Variants in USP45 observed in about 807,000 individuals in gnomAD.
USP45 encodes the protein ubiquitin specific peptidase 45, also known as ubiquitin carboxyl-terminal hydrolase 45.
Under a neutral mutation model 95.8 loss-of-function variants are expected in USP45, and 89 were observed. The observed-to-expected ratio is 0.93, with a 90% CI of 0.78 to 1.11. USP45 has a LOEUF of 1.11. Among genes scored for constraint, USP45 ranks in the 50% least tolerant of loss-of-function variants. USP45 has a pLI of 0.00. For missense variants in USP45, 898 were observed against 942.5 expected (o/e 0.95, Z 0.62); for synonymous variants, 281 against 316.2 (o/e 0.89, Z 1.18).
chr6:99,514,288 A>G (rs1376211213), intron 1 of USP45, among the ~76,000 whole-genome samples: 1 of 152,198 alleles, frequency 6.6e-6, no homozygotes, highest in Non-Finnish European at 1.5e-5. Flanking sequence ...TCCTTCCTCC[A>G]TCAGTGAAAA....
chr6:99,483,457 C>A (rs1244333572), intron 7 of USP45, among the ~76,000 whole-genome samples: 3 of 152,122 alleles, frequency 2.0e-5, no homozygotes, highest in African/African-American at 7.2e-5. Context: ...AATCTGGTTT[C>A]TAAAGTACTA....
At position 99,446,328 on chromosome 6, in the gene USP45, G is replaced by T; in HGVS notation, c.1444C>A (p.Leu482Met). The T allele has an allele frequency of 1.2e-6, 2 of 1,614,206 alleles. No homozygotes were observed. The highest frequency in any genetic ancestry group is 2.2e-5 in the South Asian group (2 of 91,090). The change falls in exon 14 of 18, where the codon CTG becomes ATG. Residue 482 changes from leucine (L) to methionine (M), a missense_variant. Leu to Met is a conservative substitution (Grantham distance 15). Transcript: ENST00000500704. ...FASLMNSESR[L>M]NESPTDDSEK... is the part of the protein sequence containing the mutation. ...CTGTCATCAGTAGGGCTTTCATTCA[G>T]ACGTGACTCAGAATTCATGAGGCTG...
intron 13 of USP45, among the ~76,000 whole-genome samples, chr6:99,447,860 G>C (rs1041928758): frequency 6.6e-6 from 1 of 152,206 alleles, no homozygotes; most frequent in Non-Finnish European, 1.5e-5. Context: ...CCAGAGGAAC[G>C]ATCAGGTAGC....
At chr6:99,479,684 A>T (rs1037426077) in intron 8 of USP45, among the ~76,000 whole-genome samples, 1 of 152,132 alleles carries the variant, frequency 6.6e-6, no homozygotes, top group African/African-American at 2.4e-5. Flanking sequence ...TCTCAGAAAA[A>T]AGAAAAACTA....
At chr6:99,443,759 A>T (rs1402748095) in intron 14 of USP45, 97 bp from the exon 15 acceptor site, 13 of 768,124 alleles carry the variant, frequency 1.7e-5, no homozygotes, top group African/African-American at 7.1e-5. Flanking sequence ...CCACATTTTT[A>T]AAAATGTTAA....
chr6:99,488,113 T>G lies in USP45; in HGVS notation c.714+87A>C, dbSNP rs767891317. On this transcript the variant is annotated intron_variant, in intron 7 of 17. Coordinates refer to ENST00000500704, the MANE Select transcript of USP45 (RefSeq NM_001346022.3). ...TAAGCCCCCTGGCTACTATCTTAGT[T>G]GACTGATCTGCGAATTAGGAAAAGA... 2.9e-4 allele frequency: 235 copies of G among 824,520 alleles called. 1 individual carries two copies. In the Middle Eastern group the frequency reaches 3.1e-3, roughly 11 times the overall value. 51.1% of individuals were successfully genotyped at this position (824,520 alleles called of 1,614,324 possible).
At chr6:99,502,107 G>A (rs1417452920) in intron 5 of USP45, 2 of 1,168,956 alleles carry the variant, frequency 1.7e-6, no homozygotes, top group African/African-American at 3.2e-5. Flanking sequence ...CCTACACAAT[G>A]AAATCCCAAT....
upstream of USP45, among the ~76,000 whole-genome samples, chr6:99,515,890 T>G (rs542170155): frequency 7.5e-4 from 112 of 148,650 alleles, no homozygotes; most frequent in African/African-American, 2.7e-3. Flanking sequence ...TTCTACTGCC[T>G]TAGCCTCCCG....
At chr6:99,496,530 G>A (rs952956379) in intron 5 of USP45, among the ~76,000 whole-genome samples, 5 of 151,974 alleles carry the variant, frequency 3.3e-5, no homozygotes, top group African/African-American at 1.2e-4. Flanking sequence ...CTTTAACCTT[G>A]TTAAAAATGG....
intron 13 of USP45, among the ~76,000 whole-genome samples, chr6:99,463,068 G>T (rs1302769398): frequency 6.6e-6 from 1 of 151,696 alleles, no homozygotes; most frequent in African/African-American, 2.4e-5. Context: ...ATATAAAAAA[G>T]TTTTTTTTGC....
intron 17 of USP45, 140 bp from the exon 18 acceptor site, chr6:99,435,986 G>A: frequency 2.4e-6 from 2 of 820,194 alleles, no homozygotes; most frequent in Middle Eastern, 3.8e-4. Context: ...CTTGGGTTAA[G>A]CATTTTCCAA....
chr6:99,446,065 A>G lies in USP45; in HGVS notation c.1707T>C (p.Thr569=), dbSNP rs745689527. 2.5e-6 allele frequency: 4 copies of G among 1,614,058 alleles called. No homozygotes were observed. In the Admixed American group the frequency reaches 6.7e-5, roughly 27 times the overall value. ...TTTCTCTGTCAAAATCTTGATCTCC[A>G]GTTACAGTGCTGCTCAAACGAAGTT... ...ISELRLSSTV[T]GDQDFDRENQ... is the part of the protein sequence containing the mutation. The change falls in exon 14 of 18, where the codon ACT becomes ACC. Residue 569 remains threonine, a synonymous_variant. Coordinates refer to ENST00000500704, the MANE Select transcript of USP45 (RefSeq NM_001346022.3).
At chr6:99,495,121 G>C (rs1796023443) in intron 5 of USP45, among the ~76,000 whole-genome samples, 2 of 152,124 alleles carry the variant, frequency 1.3e-5, no homozygotes, top group African/African-American at 4.8e-5. Flanking sequence ...ATGGAATTAT[G>C]GGCACTATTG....
In USP45 at chr6:99,476,151, C is replaced by A; in HGVS notation, c.925G>T (p.Glu309Ter). 6.2e-7 allele frequency: 1 copy of A among 1,613,682 alleles called. No individual in the cohort carries two copies. Among genetic ancestry groups the A allele is most frequent in the Non-Finnish European group, 8.5e-7 (1 of 1,179,768 alleles). The change falls in exon 9 of 18, where the codon GAA becomes TAA. Residue 309 changes from glutamate (E) to a stop codon, truncating the protein, a stop_gained. Transcript: ENST00000500704. LOFTEE classifies it high-confidence loss of function. The stretch of plus-strand genomic sequence containing the variant: ...ACATAAAGAAACCTGACCTTTGTTT[C>A]TTCTGTCCTCACTGCATCCAGAAGA... ...HYLLDAVRTE[E>*]TKRIQASILK... is the part of the protein sequence containing the mutation.
At position 99,435,694 on chromosome 6, in the gene USP45, A is replaced by C. The variant is rs768675347; in HGVS notation, c.*22T>G. The stretch of plus-strand genomic sequence containing the variant: ...TGTGGCATTCAAAAACAAATGACCT[A>C]AATAATCATTACCATTAATAGTTAT... On this transcript the variant is annotated 3_prime_UTR_variant, in exon 18 of 18. Coordinates refer to ENST00000500704, the MANE Select transcript of USP45 (RefSeq NM_001346022.3). The C allele has an allele frequency of 1.0e-5, 16 of 1,600,332 alleles. No homozygotes were observed. The highest frequency in any genetic ancestry group is 2.7e-5 in the African/African-American group (2 of 74,480).
rs375507236 is a variant in USP45, at chr6:99,437,368, C to T, written c.2192G>A (p.Gly731Asp). 8.1e-6 allele frequency: 13 copies of T among 1,604,364 alleles called. No individual in the cohort carries two copies. Among genetic ancestry groups the T allele is most frequent in the Non-Finnish European group, 1.1e-5 (13 of 1,177,426 alleles). ...NASVGDKVLY[G>D]LYGIVEHSGS... ...ACTATGTTCCACTATGCCATAGAGA[C>T]CGTAGAGAACTTTATCTCCCACACT... The change falls in exon 17 of 18, where the codon GGT becomes GAT. Residue 731 changes from glycine (G) to aspartate (D), a missense_variant. Gly to Asp is a moderately conservative substitution (Grantham distance 94). Transcript: ENST00000500704.
intron 5 of USP45, among the ~76,000 whole-genome samples, chr6:99,494,016 TACA>T: frequency 6.6e-6 from 1 of 152,338 alleles, no homozygotes; most frequent in East Asian, 1.9e-4. Context: ...ACAAAGTTGC[TACA>T]ACAATAAAGA....
chr6:99,462,164 G>C, intron 13 of USP45: 1 of 978,388 alleles, frequency 1.0e-6, no homozygotes, highest in South Asian at 4.7e-5. Context: ...GTTCAATAAA[G>C]AATAGGTCCA....
At chr6:99,505,640 C>CAAAA (rs11303051) in intron 4 of USP45, among the ~76,000 whole-genome samples, 4 of 85,338 alleles carry the variant, frequency 4.7e-5, no homozygotes, top group African/African-American at 1.4e-4. Flanking sequence ...GATTCCATCT[C>CAAAA]AAAAAAAAAA....
Sources: gnomAD v4.1 joint callset for allele counts (sites outside exome capture counted in the v4.1 genomes callset) on GRCh38, gnomAD v4.1.1 for gene constraint, MANE v1.5 for transcripts, NCBI Gene and HGNC (gene_info 2026-07-23, HGNC 2026-07-21) for gene names.